Variants in DAAM2 observed in about 807,000 individuals in gnomAD.
The protein encoded by DAAM2 is disheveled-associated activator of morphogenesis 2.
In DAAM2, 39 loss-of-function variants were observed where a neutral mutation model predicts 120.7. The observed-to-expected ratio is 0.32, with a 90% CI of 0.25 to 0.42. The LOEUF (loss-of-function observed/expected upper bound fraction) is 0.42. DAAM2 is among the 10% of genes least tolerant of loss of function. DAAM2 has a pLI of 1.00. For missense variants in DAAM2, 1,283 were observed against 1,401.7 expected (o/e 0.92, Z 1.35); for synonymous variants, 488 against 524.9 (o/e 0.93, Z 0.96).
chr6:39,825,332 C>T (rs1582626706), intron 1 of DAAM2, among the ~76,000 whole-genome samples: 2 of 151,166 alleles, frequency 1.3e-5, no homozygotes, highest in African/African-American at 4.9e-5. Context: ...GAGGTTGCAG[C>T]GAACTGAGAT....
At chr6:39,875,510 C>T (rs567822449) in intron 11 of DAAM2, 42 bp downstream of exon 11, 7 of 1,593,130 alleles carry the variant, frequency 4.4e-6, no homozygotes, top group East Asian at 4.5e-5. Flanking sequence ...CTCCACCTTC[C>T]TCATCACTCT....
intron 15 of DAAM2, chr6:39,886,902 C>G (rs747890597): frequency 6.3e-6 from 1 of 159,974 alleles, no homozygotes; most frequent in Non-Finnish European, 1.4e-5. Context: ...ATGATTTCTC[C>G]AGAATCTGCC....
intron 1 of DAAM2, among the ~76,000 whole-genome samples, chr6:39,833,313 C>T (rs1304657555): frequency 6.6e-6 from 1 of 151,762 alleles, no homozygotes; most frequent in Non-Finnish European, 1.5e-5. Context: ...CCCTTCCTTC[C>T]CTTCCTTCCT....
chr6:39,823,482 T>C (rs185205526), intron 1 of DAAM2, among the ~76,000 whole-genome samples: 118 of 152,312 alleles, frequency 7.7e-4, no homozygotes, highest in Middle Eastern at 3.4e-3. Context: ...TGTGCTCTGC[T>C]CTGACATAGC....
At chr6:39,848,003 A>C (rs1345044946) in intron 1 of DAAM2, among the ~76,000 whole-genome samples, 1 of 152,054 alleles carries the variant, frequency 6.6e-6, no homozygotes, top group African/African-American at 2.4e-5. Flanking sequence ...CAGTGGAACC[A>C]CCCTAGTAGA....
intron 1 of DAAM2, among the ~76,000 whole-genome samples, chr6:39,832,801 G>A (rs9471181): frequency 0.16 from 24,083 of 152,152 alleles, 2,151 homozygotes; most frequent in South Asian, 0.3. Flanking sequence ...TGCTGCTTGG[G>A]CCTCTGTGCT....
chr6:39,868,106 C>T (rs142578322), intron 6 of DAAM2: 1,278 of 474,192 alleles, frequency 2.7e-3, no homozygotes, highest in Middle Eastern at 4.6e-3. Flanking sequence ...TCCTGGAAGC[C>T]GGAATATTGG....
chr6:39,826,918 T>C (rs1468868302), intron 1 of DAAM2, among the ~76,000 whole-genome samples: 1 of 152,096 alleles, frequency 6.6e-6, no homozygotes, highest in East Asian at 1.9e-4. Context: ...TCAGGAGAAG[T>C]TGGGAATCAG....
chr6:39,878,671 G>T lies in DAAM2; in HGVS notation c.1545+83G>T, dbSNP rs1391402681. On this transcript the variant is annotated intron_variant, in intron 13 of 24. Coordinates refer to ENST00000274867, the MANE Select transcript of DAAM2 (RefSeq NM_001201427.2). This position sits in a 1 kb window ranked among gnomAD's most constrained non-coding sequence, Gnocchi z 5.0. ...GGTGGGCAGAGCAGGTGTCGGAGAG[G>T]CCAAGGACCCCAGCATGAGGGAGAA... 2.2e-6 allele frequency: 3 copies of T among 1,393,310 alleles called. No homozygotes were observed. The highest frequency in any genetic ancestry group is 2.9e-6 in the Non-Finnish European group (3 of 1,028,364). The allele number at this position is 1,393,310 out of a possible 1,614,324, so 86.3% of individuals were successfully genotyped here.
In DAAM2 at chr6:39,803,642, C is replaced by T. The variant is rs552726577; in HGVS notation, c.-57+11177C>T. The stretch of plus-strand genomic sequence containing the variant: ...GGTCAGAATATAAAACAGGGATGCC[C>T]GAATCTGAAGCTCATGCATATTGGA... On this transcript the variant is annotated intron_variant, in intron 1 of 24. Transcript: ENST00000274867. Among the ~76,000 whole-genome samples, 8 of 152,246 alleles carry T rather than the reference C, an allele frequency of 5.3e-5. No individual in the cohort carries two copies. In the South Asian group the frequency reaches 1.0e-3, roughly 20 times the overall value.
intron 1 of DAAM2, among the ~76,000 whole-genome samples, chr6:39,829,314 T>G (rs1158962859): frequency 6.6e-6 from 1 of 152,244 alleles, no homozygotes; most frequent in East Asian, 1.9e-4. Flanking sequence ...CTGTAAATAC[T>G]GAGCCACAAA....
At chr6:39,879,713 T>A (rs1765040549) in intron 14 of DAAM2, 2 of 606,556 alleles carry the variant, frequency 3.3e-6, no homozygotes, top group Non-Finnish European at 5.9e-6. Flanking sequence ...CAAAGTCATC[T>A]ACAAATGGAA....
chr6:39,847,828 T>A (rs1763656157), intron 1 of DAAM2, among the ~76,000 whole-genome samples: 1 of 152,122 alleles, frequency 6.6e-6, no homozygotes, highest in African/African-American at 2.4e-5. Flanking sequence ...TCTCTTCTAA[T>A]CTCAGACCTC....
chr6:39,901,423 T>A lies in DAAM2; in HGVS notation c.2933T>A (p.Met978Lys), dbSNP rs367809972. Residue 978 changes from methionine to lysine, a missense_variant, in exon 24 of 25, where the codon ATG becomes AAG. Coordinates refer to ENST00000274867, the MANE Select transcript of DAAM2 (RefSeq NM_001201427.2). This position sits in a 1 kb window ranked among gnomAD's most constrained non-coding sequence, Gnocchi z 4.5. Reference sequence around the variant, plus strand: ...GAGGCCCGGCAGGATCTAGAGGCCATGAGGAGGAGGAAGGAGGAGGAGGAG... The same window carrying A: ...GAGGCCCGGCAGGATCTAGAGGCCAAGAGGAGGAGGAAGGAGGAGGAGGAG... ...FSEARQDLEA[M>K]RRRKEEEERR... The A allele has an allele frequency of 1.2e-6, 2 of 1,612,592 alleles. No homozygotes were observed. The highest frequency in any genetic ancestry group is 1.7e-6 in the Non-Finnish European group (2 of 1,179,698).
In DAAM2 at chr6:39,904,297, A is replaced by T. The variant is rs1176553920; in HGVS notation, c.*2260A>T. ...AGATATTTTTCTATTTATTTTCTAC[A>T]TCTGGCCAGTGGCTCTGGTGCTAGA... On this transcript the variant is annotated 3_prime_UTR_variant, in exon 25 of 25. Transcript: ENST00000274867. The T allele has an allele frequency of 2.2e-6, 1 of 456,752 alleles. No individual in the cohort carries two copies. The highest frequency in any genetic ancestry group is 2.0e-5 in the African/African-American group (1 of 50,222). 28.3% of individuals were successfully genotyped at this position (456,752 alleles called of 1,614,324 possible). A position where few individuals can be genotyped will look rare whatever the true frequency, so the allele number is the denominator to read the frequency against.
Position 39,904,377 on chromosome 6 carries a change from T to G in DAAM2, c.*2340T>G. 1 of 456,572 alleles carries G rather than the reference T, an allele frequency of 2.2e-6. No homozygotes were observed. The highest frequency in any genetic ancestry group is 4.4e-6 in the Non-Finnish European group (1 of 226,978). The allele number at this position is 456,572 out of a possible 1,614,324, so 28.3% of individuals were successfully genotyped here. ...CTTGGACCATGGACTCATACTCAAC[T>G]GAGTAAGAAGGGGCTGGTGCCCAGT... is the stretch of plus-strand genomic sequence containing the variant. On this transcript the variant is annotated 3_prime_UTR_variant, in exon 25 of 25. Coordinates refer to ENST00000274867, the MANE Select transcript of DAAM2 (RefSeq NM_001201427.2).
rs1764957500 is a variant in DAAM2 at position 39,878,345 on chromosome 6, G to A, written c.1361-59G>A. ...ATAACTCCATGCCCTTCCAGGCAGG[G>A]AGTCACATTACTCACATTCTCTCCT... On this transcript the variant is annotated intron_variant, in intron 12 of 24. Coordinates refer to ENST00000274867, the MANE Select transcript of DAAM2 (RefSeq NM_001201427.2). The surrounding 1 kb of genome is among the most constrained non-coding windows in gnomAD (Gnocchi z 5.0). 6.2e-7 allele frequency: 1 copy of A among 1,609,796 alleles called. No individual in the cohort carries two copies. The highest frequency in any genetic ancestry group is 8.5e-7 in the Non-Finnish European group (1 of 1,177,134).
chr6:39,889,436 A>C (rs534655377), intron 17 of DAAM2, among the ~76,000 whole-genome samples: 1 of 152,346 alleles, frequency 6.6e-6, no homozygotes, highest in Admixed American at 6.5e-5. Flanking sequence ...GCTGACGAGG[A>C]TGTGAAGCAA....
rs780078122 is a variant in DAAM2, at chr6:39,891,476, AGCAGGTGGGGTTCTG to A, written c.2252+40_2252+54del. 1.9e-6 allele frequency: 3 copies of A among 1,579,764 alleles called. No homozygotes were observed. In the East Asian group the frequency reaches 6.8e-5, roughly 36 times the overall value. On this transcript the variant is annotated intron_variant, in intron 18 of 24. Coordinates refer to ENST00000274867, the MANE Select transcript of DAAM2 (RefSeq NM_001201427.2). ...GGGCCATGGGCATGGTGGGGATTCA[AGCAGGTGGGGTTCTG>A]GCAGGTGGGGCAGGTGGGGCTCTGC...
Sources: gnomAD v4.1 joint callset for allele counts (sites outside exome capture counted in the v4.1 genomes callset) on GRCh38, gnomAD v4.1.1 for gene constraint, Gnocchi (gnomAD v3.1) non-coding constraint, MANE v1.5 for transcripts, NCBI Gene and HGNC (gene_info 2026-07-23, HGNC 2026-07-21) for gene names.